SPRYD4: variants seen among roughly 807,000 people sequenced by gnomAD.
The protein encoded by SPRYD4 is SPRY domain-containing protein 4.
SPRYD4 carries 12 observed loss-of-function variants against 16.6 expected under a neutral mutation model. That is an observed-to-expected ratio of 0.72 (90% CI 0.46 to 1.17). The LOEUF (loss-of-function observed/expected upper bound fraction) is 1.17, where lower values mean the gene tolerates loss of function less well. Among genes scored for constraint, SPRYD4 ranks in the 50% most tolerant of loss-of-function variants. SPRYD4 has a pLI of 0.00. For missense variants in SPRYD4, 260 were observed against 260.2 expected (o/e 1.00, Z 0.00); for synonymous variants, 98 against 105.4 (o/e 0.93, Z 0.43).
rs1323455373 is a variant in SPRYD4 at position 56,472,118 on chromosome 12, C to T, written c.*2541C>T. ...TCCTCCCCTCCTTAACCCTTCAGTA[C>T]CTTCAGCTGCAGCAACATGCAGAGC... On this transcript the variant is annotated 3_prime_UTR_variant, in exon 2 of 2. Coordinates refer to ENST00000338146, the MANE Select transcript of SPRYD4 (RefSeq NM_207344.4). 6.2e-7 allele frequency: 1 copy of T among 1,614,066 alleles called. No homozygotes were observed. Among genetic ancestry groups the T allele is most frequent in the Middle Eastern group, 1.7e-4 (1 of 6,060 alleles).
rs1465876673 is a variant in SPRYD4 at position 56,474,427 on chromosome 12, C to G, written c.*4850C>G. Reference sequence around the variant, plus strand: ...AAGGAGTCTCAACCTAATTGCCTTCCTGGAAGTTAGTGAATGAGAGGCAGG... The same window carrying G: ...AAGGAGTCTCAACCTAATTGCCTTCGTGGAAGTTAGTGAATGAGAGGCAGG... On this transcript the variant is annotated 3_prime_UTR_variant, in exon 2 of 2. Coordinates refer to ENST00000338146, the MANE Select transcript of SPRYD4 (RefSeq NM_207344.4). 1.3e-5 allele frequency: 17 copies of G among 1,310,786 alleles called. No individual in the cohort carries two copies. Among genetic ancestry groups the G allele is most frequent in the Non-Finnish European group, 1.7e-5 (16 of 950,748 alleles). The allele number at this position is 1,310,786 out of a possible 1,614,324, so 81.2% of individuals were successfully genotyped here. A position where few individuals can be genotyped will look rare whatever the true frequency, so the allele number is the denominator to read the frequency against.
In SPRYD4 at chr12:56,478,416, C is replaced by A. The variant is rs947167382; in HGVS notation, c.*8839C>A. On this transcript the variant is annotated 3_prime_UTR_variant, in exon 2 of 2. Transcript: ENST00000338146. ...CCTGCCTGTTGCTCCCAGAAATGCC[C>A]GAGCCTTAAGTCCTAGAAGGCCATA... 6.9e-6 allele frequency: 5 copies of A among 722,238 alleles called. No homozygotes were observed. Among genetic ancestry groups the A allele is most frequent in the Non-Finnish European group, 1.2e-5 (5 of 430,576 alleles). 44.7% of individuals were successfully genotyped at this position (722,238 alleles called of 1,614,324 possible).
In SPRYD4 at chr12:56,472,021, C is replaced by T. The variant is rs1869320894; in HGVS notation, c.*2444C>T. 7.2e-7 allele frequency: 1 copy of T among 1,388,992 alleles called. No homozygotes were observed. Among genetic ancestry groups the T allele is most frequent in the Non-Finnish European group, 1.0e-6 (1 of 985,532 alleles). The allele number at this position is 1,388,992 out of a possible 1,614,324, so 86.0% of individuals were successfully genotyped here. ...GTGTCTAGATAAAACTAGTTGCTGC[C>T]CCTATAACCTTGAGGGCACATATAA... On this transcript the variant is annotated 3_prime_UTR_variant, in exon 2 of 2. Transcript: ENST00000338146.
In SPRYD4 at chr12:56,474,625, C is replaced by T; in HGVS notation, c.*5048C>T. 1 of 1,614,206 alleles carries T rather than the reference C, an allele frequency of 6.2e-7. No homozygotes were observed. Among genetic ancestry groups the T allele is most frequent in the Middle Eastern group, 1.7e-4 (1 of 6,058 alleles). On this transcript the variant is annotated 3_prime_UTR_variant, in exon 2 of 2. Coordinates refer to ENST00000338146, the MANE Select transcript of SPRYD4 (RefSeq NM_207344.4). The stretch of plus-strand genomic sequence containing the variant: ...GGGTGTTGCGCACTGCTTCAGCACT[C>T]AGCACACTCTCGCCTGTGATGGGGC...
rs778242625 is a variant in SPRYD4 at position 56,473,453 on chromosome 12, A to G, written c.*3876A>G. The G allele has an allele frequency of 6.2e-7, 1 of 1,609,392 alleles. No individual in the cohort carries two copies. Among genetic ancestry groups the G allele is most frequent in the Non-Finnish European group, 8.5e-7 (1 of 1,177,222 alleles). ...CAAAAATAGTAAGTACTATATGCAA[A>G]GCATCTCACCTGGCAGAAGCTGGTC... On this transcript the variant is annotated 3_prime_UTR_variant, in exon 2 of 2. Transcript: ENST00000338146.
In SPRYD4 at chr12:56,472,005, T is replaced by G. The variant is rs1869319654; in HGVS notation, c.*2428T>G. ...AGCTGCAAACCGAAGGGTGTCTAGA[T>G]AAAACTAGTTGCTGCCCCTATAACC... On this transcript the variant is annotated 3_prime_UTR_variant, in exon 2 of 2. Transcript: ENST00000338146. 7.6e-7 allele frequency: 1 copy of G among 1,323,552 alleles called. No homozygotes were observed. Among genetic ancestry groups the G allele is most frequent in the Non-Finnish European group, 1.1e-6 (1 of 929,030 alleles). The allele number at this position is 1,323,552 out of a possible 1,614,324, so 82.0% of individuals were successfully genotyped here.
At position 56,478,103 on chromosome 12, in the gene SPRYD4, GCAGA is replaced by G; in HGVS notation, c.*8531_*8534del. ...TGTGTGGCCCACAGAGTGCCTGGAG[GCAGA>G]CAGATGCCATGAAAGGGGTTGGCCT... is the stretch of plus-strand genomic sequence containing the variant. On this transcript the variant is annotated 3_prime_UTR_variant, in exon 2 of 2. Coordinates refer to ENST00000338146, the MANE Select transcript of SPRYD4 (RefSeq NM_207344.4). 1 of 1,614,040 alleles carries G rather than the reference GCAGA, an allele frequency of 6.2e-7. No homozygotes were observed. Among genetic ancestry groups the G allele is most frequent in the South Asian group, 1.1e-5 (1 of 91,084 alleles).
chr12:56,479,321 G>T lies in SPRYD4; in HGVS notation c.*9744G>T. On this transcript the variant is annotated 3_prime_UTR_variant, in exon 2 of 2. Coordinates refer to ENST00000338146, the MANE Select transcript of SPRYD4 (RefSeq NM_207344.4). ...CAGCTCTGTTACCTTTGGCAAATCA[G>T]TTTACCTTTCTAGGTCTTAGTTTCC... The T allele has an allele frequency of 3.8e-6, 4 of 1,057,656 alleles. No homozygotes were observed. Among genetic ancestry groups the T allele is most frequent in the South Asian group, 1.9e-5 (1 of 53,562 alleles). The allele number at this position is 1,057,656 out of a possible 1,614,324, so 65.5% of individuals were successfully genotyped here.
In SPRYD4 at chr12:56,474,806, G is replaced by A. The variant is rs372835857; in HGVS notation, c.*5229G>A. 1 of 1,613,298 alleles carries A rather than the reference G, an allele frequency of 6.2e-7. No individual in the cohort carries two copies. Among genetic ancestry groups the A allele is most frequent in the African/African-American group, 1.3e-5 (1 of 74,814 alleles). On this transcript the variant is annotated 3_prime_UTR_variant, in exon 2 of 2. Coordinates refer to ENST00000338146, the MANE Select transcript of SPRYD4 (RefSeq NM_207344.4). ...TAGGGAAAGGGCAAGGGCAAGGACA[G>A]TCTGTCCTGTTCCCTCGGCCCTGAG...
Position 56,471,746 on chromosome 12 carries a change from C to A in SPRYD4, c.*2169C>A. 6.2e-7 allele frequency: 1 copy of A among 1,613,698 alleles called. No individual in the cohort carries two copies. Among genetic ancestry groups the A allele is most frequent in the South Asian group, 1.1e-5 (1 of 91,046 alleles). On this transcript the variant is annotated 3_prime_UTR_variant, in exon 2 of 2. Transcript: ENST00000338146. ...GGTAGGTGGAGAAGCTGTGCCCACC[C>A]TCCTCCACTTTTAGCCTATTCCTCA...
rs942485536 is a variant in SPRYD4 at position 56,474,398 on chromosome 12, G to A, written c.*4821G>A. The stretch of plus-strand genomic sequence containing the variant: ...GGAACTTGGTGTTTTTGAGAAACTC[G>A]TCTAAGGAGTCTCAACCTAATTGCC... On this transcript the variant is annotated 3_prime_UTR_variant, in exon 2 of 2. Transcript: ENST00000338146. The A allele has an allele frequency of 5.6e-5, 52 of 931,916 alleles. No individual in the cohort carries two copies. The highest frequency in any genetic ancestry group is 7.2e-5 in the Non-Finnish European group (45 of 627,682). 57.7% of individuals were successfully genotyped at this position (931,916 alleles called of 1,614,324 possible).
Position 56,478,376 on chromosome 12 carries a change from G to GC in SPRYD4, c.*8800dup, listed in dbSNP as rs1870009696. 1 of 1,099,086 alleles carries GC rather than the reference G, an allele frequency of 9.1e-7. No individual in the cohort carries two copies. The highest frequency in any genetic ancestry group is 1.6e-5 in the African/African-American group (1 of 64,260). The allele number at this position is 1,099,086 out of a possible 1,614,324, so 68.1% of individuals were successfully genotyped here. ...AAGCTAAAATTCTGTCTTCTATAGG[G>GC]CAGAGGGGTTCCCTCCTGCCTGTTG... On this transcript the variant is annotated 3_prime_UTR_variant, in exon 2 of 2. Coordinates refer to ENST00000338146, the MANE Select transcript of SPRYD4 (RefSeq NM_207344.4).
In SPRYD4 at chr12:56,472,317, T is replaced by G. The variant is rs547129521; in HGVS notation, c.*2740T>G. On this transcript the variant is annotated 3_prime_UTR_variant, in exon 2 of 2. Transcript: ENST00000338146. ...AAGTGAAACAGCCTATAGCCAGATT[T>G]GTTGGCTCTGAATAATCTTTTTTCC... 1.2e-6 allele frequency: 1 copy of G among 820,070 alleles called. No homozygotes were observed. The allele number at this position is 820,070 out of a possible 1,614,324, so 50.8% of individuals were successfully genotyped here.
chr12:56,474,660 C>T lies in SPRYD4; in HGVS notation c.*5083C>T, dbSNP rs766710649. On this transcript the variant is annotated 3_prime_UTR_variant, in exon 2 of 2. Transcript: ENST00000338146. ...TCGCCTGTGATGGGGCAGATCCCAC[C>T]GTTGGCGAGGGTGGCTGCCATGACA... 12 of 1,613,776 alleles carry T rather than the reference C, an allele frequency of 7.4e-6. No individual in the cohort carries two copies. Among genetic ancestry groups the T allele is most frequent in the Non-Finnish European group, 9.3e-6 (11 of 1,179,740 alleles).
At chr12:56,468,927 G>A in intron 1 of SPRYD4, 112 bp from the exon 2 acceptor site, 1 of 1,371,140 alleles carries the variant, frequency 7.3e-7, no homozygotes, top group South Asian at 1.5e-5. Flanking sequence ...TTGGCATTCT[G>A]ACTCTTCCCT....
rs763735181 is a variant in SPRYD4 at position 56,473,189 on chromosome 12, T to C, written c.*3612T>C. ...CAGGCGTGAGCCACCGCACCTGGCC[T>C]TTGAAATATTCTTACAAGCCACCTG... On this transcript the variant is annotated 3_prime_UTR_variant, in exon 2 of 2. Transcript: ENST00000338146. 1.3e-6 allele frequency: 2 copies of C among 1,594,468 alleles called. No individual in the cohort carries two copies.
rs1486786441 is a variant in SPRYD4 at position 56,472,478 on chromosome 12, C to G, written c.*2901C>G. 1.6e-6 allele frequency: 1 copy of G among 610,182 alleles called. No homozygotes were observed. The highest frequency in any genetic ancestry group is 2.9e-6 in the Non-Finnish European group (1 of 347,696). The allele number at this position is 610,182 out of a possible 1,614,324, so 37.8% of individuals were successfully genotyped here. ...ACTTCCTAGGACACTGCTCTTAACACTCAATAACAATGGCTAACATTAATT... is the reference window on the plus strand; with the variant it reads ...ACTTCCTAGGACACTGCTCTTAACAGTCAATAACAATGGCTAACATTAATT... On this transcript the variant is annotated 3_prime_UTR_variant, in exon 2 of 2. Transcript: ENST00000338146.
At position 56,471,519 on chromosome 12, in the gene SPRYD4, G is replaced by C. The variant is rs889475036; in HGVS notation, c.*1942G>C. 2.5e-6 allele frequency: 4 copies of C among 1,613,900 alleles called. No homozygotes were observed. Among genetic ancestry groups the C allele is most frequent in the Non-Finnish European group, 3.4e-6 (4 of 1,179,988 alleles). ...ATGCTTTCTAAGTTCTCTTTGGACA[G>C]GGCCTCAGCTGCTGCCTCAGCCTGA... On this transcript the variant is annotated 3_prime_UTR_variant, in exon 2 of 2. Transcript: ENST00000338146.
Position 56,469,356 on chromosome 12 carries a change from T to C in SPRYD4, c.403T>C (p.Leu135=). The change falls in exon 2 of 2, where the codon TTG becomes CTG. Residue 135 remains leucine, a synonymous_variant. Coordinates refer to ENST00000338146, the MANE Select transcript of SPRYD4 (RefSeq NM_207344.4). ...TGCCCAGCGCAAGTGGTACACCATG[T>C]TGGCCAACGAGAAAGCCCCAGTTGA... is the stretch of plus-strand genomic sequence containing the variant. ...TYAQRKWYTM[L]ANEKAPVEGI... The C allele has an allele frequency of 6.2e-7, 1 of 1,614,154 alleles. No homozygotes were observed. Among genetic ancestry groups the C allele is most frequent in the Non-Finnish European group, 8.5e-7 (1 of 1,180,028 alleles).
Sources: gnomAD v4.1 joint callset for allele counts on GRCh38, gnomAD v4.1.1 for gene constraint, MANE v1.5 for transcripts, NCBI Gene and HGNC (gene_info 2026-07-23, HGNC 2026-07-21) for gene names.